The following ABCA6 variants were observed in gnomAD, a reference collection of about 807,000 sequenced individuals.
ABCA6 encodes the protein ATP binding cassette subfamily A member 6, also known as ATP-binding cassette sub-family A member 6.
In ABCA6, 164 loss-of-function variants were observed where a neutral mutation model predicts 191.2. The observed-to-expected ratio is 0.86, with a 90% CI of 0.76 to 0.98. The LOEUF (loss-of-function observed/expected upper bound fraction) is 0.98, where lower values mean the gene tolerates loss of function less well. Ranked by LOEUF, ABCA6 falls within the 50% of genes least tolerant of loss-of-function variation. The pLI, the probability that ABCA6 is intolerant of heterozygous loss-of-function variation, is 0.00. For synonymous variants in ABCA6, 636 were observed against 647.7 expected (o/e 0.98, Z 0.27); for missense variants, 1,958 against 1,894.1 (o/e 1.03, Z -0.63).
intron 6 of ABCA6, among the ~76,000 whole-genome samples, chr17:69,132,603 C>T (rs1396430475): frequency 6.6e-6 from 1 of 152,172 alleles, no homozygotes; most frequent in East Asian, 1.9e-4. Context: ...GCTTCAGCTC[C>T]CAGGTAGCTG....
chr17:69,081,189 G>T, intron 36 of ABCA6, 44 bp from the exon 37 acceptor site: 2 of 1,015,838 alleles, frequency 2.0e-6, no homozygotes, highest in Non-Finnish European at 1.5e-6. Context: ...GTTTCAAGGG[G>T]AGAAAATGAG....
At chr17:69,134,886 G>GTATTTTTTTTTTT in intron 4 of ABCA6, 144 bp from the exon 5 acceptor site, 4 of 127,058 alleles carry the variant, frequency 3.1e-5, no homozygotes, top group Admixed American at 2.1e-4. Flanking sequence ...TGTTGTGGTT[G>GTATTTTTTTTTTT]TCTTTTTTTT....
In ABCA6 at chr17:69,112,284, G is replaced by T; in HGVS notation, c.2042-11C>A. 6.3e-7 allele frequency: 1 copy of T among 1,591,578 alleles called. No individual in the cohort carries two copies. The highest frequency in any genetic ancestry group is 8.6e-7 in the Non-Finnish European group (1 of 1,161,148). On this transcript the variant is annotated splice_polypyrimidine_tract_variant and intron_variant, in intron 15 of 38. Coordinates refer to ENST00000284425, the MANE Select transcript of ABCA6 (RefSeq NM_080284.3). ...TGATCACTTTTCTATCTGAATGAAAGAAATCAAGGGAGAAAAGATATTGGG... is the reference window on the plus strand; with the variant it reads ...TGATCACTTTTCTATCTGAATGAAATAAATCAAGGGAGAAAAGATATTGGG...
chr17:69,128,743 A>G lies in ABCA6; in HGVS notation c.995T>C (p.Val332Ala), dbSNP rs375363925. 1.2e-6 allele frequency: 2 copies of G among 1,612,742 alleles called. No individual in the cohort carries two copies. The highest frequency in any genetic ancestry group is 1.3e-5 in the African/African-American group (1 of 74,850). Residue 332 changes from valine to alanine, a missense_variant, in exon 8 of 39, where the codon GTG becomes GCG. By Grantham distance (64) the Val-to-Ala change is moderately conservative (BLOSUM62 0). Transcript: ENST00000284425. ...LKKAVLTNLV[V>A]FLLTLFWGCL... Reference sequence around the variant, plus strand: ...TCCCCAAAAGAGGGTAAGGAGAAACACAACCAAATTGGTGAGGACAGCTTT... The same window carrying G: ...TCCCCAAAAGAGGGTAAGGAGAAACGCAACCAAATTGGTGAGGACAGCTTT...
At chr17:69,085,519 C>CAAAAAAA (rs35438104) in intron 31 of ABCA6, 106 bp downstream of exon 31, 64 of 474,536 alleles carry the variant, frequency 1.3e-4, no homozygotes, top group South Asian at 1.2e-4. Context: ...TATCCAAAGG[C>CAAAAAAA]AAAAAAAAAA....
At chr17:69,097,878 T>C (rs1161877644) in intron 23 of ABCA6, 42 bp downstream of exon 23, 11 of 1,431,582 alleles carry the variant, frequency 7.7e-6, no homozygotes, top group South Asian at 1.3e-5. Flanking sequence ...AATACAGATA[T>C]TGAAATTCCT....
intron 6 of ABCA6, among the ~76,000 whole-genome samples, chr17:69,131,283 T>C (rs753544355): frequency 7.9e-5 from 12 of 152,178 alleles, no homozygotes; most frequent in Non-Finnish European, 1.5e-4. Flanking sequence ...CAGTAGAACA[T>C]GTTCACACCA....
At chr17:69,134,886 G>GCCTTTTTTTT (rs1555654818) in intron 4 of ABCA6, 144 bp from the exon 5 acceptor site, 28 of 127,094 alleles carry the variant, frequency 2.2e-4, no homozygotes, top group Non-Finnish European at 2.9e-4. Context: ...TGTTGTGGTT[G>GCCTTTTTTTT]TCTTTTTTTT....
intron 16 of ABCA6, 64 bp from the exon 17 acceptor site, chr17:69,111,004 T>G (rs2073412414): frequency 6.8e-7 from 1 of 1,472,292 alleles, no homozygotes; most frequent in Admixed American, 2.2e-5. Context: ...AAAGAAGAGC[T>G]TTAATTGAAC....
In ABCA6 at chr17:69,136,127, C is replaced by A; in HGVS notation, c.425G>T (p.Gly142Val). The A allele has an allele frequency of 6.2e-7, 1 of 1,610,162 alleles. No individual in the cohort carries two copies. The highest frequency in any genetic ancestry group is 8.5e-7 in the Non-Finnish European group (1 of 1,177,936). The change falls in exon 4 of 39, where the codon GGA (glycine) becomes GTA (valine). Residue 142 changes from glycine to valine, a missense_variant. Gly to Val is a moderately radical substitution (Grantham distance 109). Coordinates refer to ENST00000284425, the MANE Select transcript of ABCA6 (RefSeq NM_080284.3). ...TTCTTTCCAAAGTGGACTGTTATAT[C>A]CCTGGAAAAATATTAACTTATAAGA... ...TFSYKLIFFQ[G>V]YNSPLWKEDF...
chr17:69,124,918 A>G lies in ABCA6; in HGVS notation c.1237T>C (p.Leu413=). 6.3e-7 allele frequency: 1 copy of G among 1,575,068 alleles called. No homozygotes were observed. The highest frequency in any genetic ancestry group is 8.6e-7 in the Non-Finnish European group (1 of 1,161,222). Residue 413 remains leucine, a synonymous_variant, in exon 9 of 39, where the codon TTG becomes CTG. Transcript: ENST00000284425. ...LLLDGLIYLL[L]ALYFDKILPY... ...AAAATTTTGTCAAAGTATAATGCCA[A>G]TAGCAAGTAGATGAGACCATCCAAA...
At chr17:69,129,532 A>T in intron 7 of ABCA6, 78 bp downstream of exon 7, 1 of 1,240,140 alleles carries the variant, frequency 8.1e-7, no homozygotes, top group Non-Finnish European at 1.1e-6. Flanking sequence ...GATTGCAGTA[A>T]CCTACTAGGG....
chr17:69,125,883 C>T (rs1339463332), intron 8 of ABCA6, among the ~76,000 whole-genome samples: 2 of 152,086 alleles, frequency 1.3e-5, no homozygotes, highest in African/African-American at 4.8e-5. Flanking sequence ...AATGTAATAT[C>T]TATTCATAGT....
At position 69,133,769 on chromosome 17, in the gene ABCA6, C is replaced by T. The variant is rs1323997113; in HGVS notation, c.663G>A (p.Glu221=). ...PFITKNLLHN[E]MFILFFLLHF... ...GAAGCAAGAAGAATAAAATAAACAT[C>T]TCATTGTGAAGAAGATTTTTAGTTA... The change falls in exon 6 of 39, where the codon GAG becomes GAA. Residue 221 remains glutamate (E), a synonymous_variant. Coordinates refer to ENST00000284425, the MANE Select transcript of ABCA6 (RefSeq NM_080284.3). The T allele has an allele frequency of 1.9e-6, 3 of 1,611,844 alleles. No homozygotes were observed. Among genetic ancestry groups the T allele is most frequent in the Admixed American group, 1.7e-5 (1 of 59,936 alleles).
intron 22 of ABCA6, among the ~76,000 whole-genome samples, chr17:69,099,248 G>A (rs1390274549): frequency 6.6e-6 from 1 of 152,174 alleles, no homozygotes; most frequent in African/African-American, 2.4e-5. Flanking sequence ...AACAGCATGA[G>A]CCTGTCTCAA....
At chr17:69,134,899 T>TTTTTTTTTTTTTTG (rs1568037249) in intron 4 of ABCA6, among the ~76,000 whole-genome samples, 157 bp from the exon 5 acceptor site, 2 of 147,994 alleles carry the variant, frequency 1.4e-5, no homozygotes, top group South Asian at 2.2e-4. Context: ...TTTTTTTTTT[T>TTTTTTTTTTTTTTG]GGAGATGAAG....
intron 22 of ABCA6, among the ~76,000 whole-genome samples, chr17:69,099,863 A>C (rs1049113404): frequency 6.6e-6 from 1 of 152,068 alleles, no homozygotes; most frequent in Non-Finnish European, 1.5e-5. Context: ...GCTTGCATAT[A>C]CTCCCAGCAC....
chr17:69,125,015 GT>G lies in ABCA6; in HGVS notation c.1139del (p.Asn380ThrfsTer2). On this transcript the variant is annotated frameshift_variant, in exon 9 of 39. Transcript: ENST00000284425. LOFTEE classifies it high-confidence loss of function. The stretch of plus-strand genomic sequence containing the variant: ...GGTCAGGAAAAATTACACCATTCAA[GT>G]TATAATCCAGTTTGATAATCTAAGA... ...GMIQIIKLDY[N>X]LNGVIFPDPS... 1 of 1,410,898 alleles carries G rather than the reference GT, an allele frequency of 7.1e-7. No individual in the cohort carries two copies. Among genetic ancestry groups the G allele is most frequent in the Non-Finnish European group, 9.4e-7 (1 of 1,063,546 alleles). 87.4% of individuals were successfully genotyped at this position (1,410,898 alleles called of 1,614,324 possible).
chr17:69,085,246 G>A, intron 31 of ABCA6, 64 bp from the exon 32 acceptor site: 1 of 1,480,624 alleles, frequency 6.8e-7, no homozygotes, highest in Non-Finnish European at 9.1e-7. Flanking sequence ...AATTACTCCA[G>A]AAACTGACAT....
Sources: allele counts gnomAD v4.1 joint callset (sites outside exome capture counted in the v4.1 genomes callset), GRCh38; gene constraint gnomAD v4.1.1; transcripts MANE v1.5; gene names NCBI Gene and HGNC (gene_info 2026-07-23, HGNC 2026-07-21).